The following ZNF473 variants were observed in gnomAD, a reference collection of about 807,000 sequenced individuals.
ZNF473 encodes zinc finger protein 100 homolog.
ZNF473 carries 4 observed loss-of-function variants against 11.1 expected under a neutral mutation model. The ratio of observed to expected loss-of-function variants is 0.36; its 90% CI spans 0.18 to 0.82. ZNF473 has a LOEUF of 0.82. Ranked by LOEUF, ZNF473 falls within the 40% of genes least tolerant of loss-of-function variation. ZNF473 has a pLI of 0.49. For synonymous variants in ZNF473, 404 were observed against 390.4 expected, an observed-to-expected ratio of 1.03 and a Z score of -0.41; for missense variants, 854 against 1,084.0, an observed-to-expected ratio of 0.79 and a Z score of 2.98.
Position 50,046,918 on chromosome 19 carries a change from C to T in ZNF473, c.2475C>T (p.Leu825=), listed in dbSNP as rs1218722334. The T allele has an allele frequency of 1.9e-6, 3 of 1,614,060 alleles. No individual in the cohort carries two copies. Among genetic ancestry groups the T allele is most frequent in the African/African-American group, 1.3e-5 (1 of 74,916 alleles). Residue 825 remains leucine, a synonymous_variant, in exon 5 of 5, where the codon CTC becomes CTT. Coordinates refer to ENST00000270617, the MANE Select transcript of ZNF473 (RefSeq NM_015428.4). The surrounding 1 kb of genome is among the most constrained non-coding windows in gnomAD (Gnocchi z 5.9). ...SCNVCGKAFV[L]SAHLNQHLRV... is the part of the protein sequence containing the mutation. ...ATGTGTGTGGCAAAGCTTTTGTCCT[C>T]AGTGCCCATCTCAACCAGCACCTGA... is the stretch of plus-strand genomic sequence containing the variant.
At position 50,047,102 on chromosome 19, in the gene ZNF473, C is replaced by T. The variant is rs745526201; in HGVS notation, c.*43C>T. On this transcript the variant is annotated 3_prime_UTR_variant, in exon 5 of 5. Transcript: ENST00000270617. ...AGTCCCAGAATATGAGACCGTTACT[C>T]GGATGTTGAAAGTTGGAAACTATCC... is the stretch of plus-strand genomic sequence containing the variant. 2.0e-5 allele frequency: 31 copies of T among 1,514,042 alleles called. No individual in the cohort carries two copies. The highest frequency in any genetic ancestry group is 1.1e-4 in the South Asian group (9 of 84,192). 93.8% of individuals were successfully genotyped at this position (1,514,042 alleles called of 1,614,324 possible). A position where few individuals can be genotyped will look rare whatever the true frequency, so the allele number is the denominator to read the frequency against.
chr19:50,036,988 G>A (rs1421215254), intron 2 of ZNF473, among the ~76,000 whole-genome samples: 1 of 152,190 alleles, frequency 6.6e-6, no homozygotes, highest in African/African-American at 2.4e-5. Context: ...CTATAAGTTG[G>A]GGATAATCCT....
At chr19:50,030,422 T>G (rs1417139010) in intron 1 of ZNF473, among the ~76,000 whole-genome samples, 1 of 152,126 alleles carries the variant, frequency 6.6e-6, no homozygotes, top group Non-Finnish European at 1.5e-5. Context: ...GTTGGAGGAT[T>G]GCTTAAGCCC....
At position 50,047,221 on chromosome 19, in the gene ZNF473, G is replaced by A; in HGVS notation, c.*162G>A. On this transcript the variant is annotated 3_prime_UTR_variant, in exon 5 of 5. Coordinates refer to ENST00000270617, the MANE Select transcript of ZNF473 (RefSeq NM_015428.4). The stretch of plus-strand genomic sequence containing the variant: ...TTATAACAATGAAAACACAAAAGTG[G>A]AGAAGCTGTACAACGTCAGGATTCA... 1.5e-6 allele frequency: 1 copy of A among 678,990 alleles called. No homozygotes were observed. Among genetic ancestry groups the A allele is most frequent in the South Asian group, 2.0e-5 (1 of 50,304 alleles). 42.1% of individuals were successfully genotyped at this position (678,990 alleles called of 1,614,324 possible).
rs1978971253 is a variant in ZNF473 at position 50,044,789 on chromosome 19, T to G, written c.346T>G (p.Cys116Gly). The change falls in exon 5 of 5, where the codon TGT becomes GGT. Residue 116 changes from cysteine to glycine, a missense_variant. Coordinates refer to ENST00000270617, the MANE Select transcript of ZNF473 (RefSeq NM_015428.4). Reference sequence around the variant, plus strand: ...CTGGAACTCCAATTTCGGAGAAGCCTGTATAGAGGACACCTGGTTAGATAG... The same window carrying G: ...CTGGAACTCCAATTTCGGAGAAGCCGGTATAGAGGACACCTGGTTAGATAG... ...GFWNSNFGEA[C>G]IEDTWLDSLL... 1.2e-6 allele frequency: 2 copies of G among 1,614,092 alleles called. No individual in the cohort carries two copies. The highest frequency in any genetic ancestry group is 1.7e-5 in the Admixed American group (1 of 60,006).
chr19:50,036,161 T>C (rs12460350), intron 2 of ZNF473, among the ~76,000 whole-genome samples: 8,556 of 151,484 alleles, frequency 0.056, 511 homozygotes, highest in East Asian at 0.27. Context: ...GGTTTTACCA[T>C]GTTGCCCAGG....
At chr19:50,036,413 A>G (rs1358561602) in intron 2 of ZNF473, among the ~76,000 whole-genome samples, 5 of 142,462 alleles carry the variant, frequency 3.5e-5, no homozygotes, top group African/African-American at 8.1e-5. Flanking sequence ...TCCCAGGTTC[A>G]TGCCATTCTC....
In ZNF473 at chr19:50,046,256, C is replaced by T. The variant is rs376537294; in HGVS notation, c.1813C>T (p.Arg605Trp). ...QCGKAFGQSTRLIHHQRIHSR... is the reference protein window; with the variant it reads ...QCGKAFGQSTWLIHHQRIHSR... ...TGGGAAAGCCTTTGGCCAAAGTACT[C>T]GGCTCATTCACCATCAAAGAATCCA... Residue 605 changes from arginine (R) to tryptophan (W), a missense_variant, in exon 5 of 5, where the codon CGG (arginine) becomes TGG (tryptophan). By Grantham distance (101) the Arg-to-Trp change is moderately radical. This residue lies in a region of ZNF473 where 668 missense variants were observed against 790.2 expected (regional missense o/e 0.85). Coordinates refer to ENST00000270617, the MANE Select transcript of ZNF473 (RefSeq NM_015428.4). The surrounding 1 kb of genome is among the most constrained non-coding windows in gnomAD (Gnocchi z 5.9). The T allele has an allele frequency of 1.7e-5, 27 of 1,613,876 alleles. No homozygotes were observed. The highest frequency in any genetic ancestry group is 2.2e-5 in the South Asian group (2 of 91,066).
chr19:50,040,598 G>A (rs1978714110), intron 3 of ZNF473: 1 of 152,310 alleles, frequency 6.6e-6, no homozygotes, highest in African/African-American at 2.4e-5. Context: ...GTCACACAGT[G>A]AGACAGCAGC....
rs753571752 is a variant in ZNF473, at chr19:50,046,375, C to T, written c.1932C>T (p.His644=). ...IKLQSFHTKE[H]PFKCNECGKT... is the part of the protein sequence containing the mutation. ...TTCAGTCCTTCCACACAAAGGAGCA[C>T]CCTTTTAAATGTAACGAATGCGGAA... Residue 644 remains histidine (H), a synonymous_variant, in exon 5 of 5, where the codon CAC becomes CAT. Transcript: ENST00000270617. The surrounding 1 kb of genome is among the most constrained non-coding windows in gnomAD (Gnocchi z 5.9). 3.8e-5 allele frequency: 62 copies of T among 1,614,102 alleles called. No homozygotes were observed. The highest frequency in any genetic ancestry group is 1.3e-5 in the Non-Finnish European group (15 of 1,180,056).
intron 2 of ZNF473, among the ~76,000 whole-genome samples, chr19:50,036,949 AGTGACTATTTG>A (rs1978482220): frequency 6.6e-6 from 1 of 152,220 alleles, no homozygotes; most frequent in Admixed American, 6.5e-5. Flanking sequence ...ACTTGGAGAA[AGTGACTATTTG>A]GGCCTTGATT....
In ZNF473 at chr19:50,047,035, C is replaced by G. The variant is rs762399283; in HGVS notation, c.2592C>G (p.His864Gln). 6.2e-7 allele frequency: 1 copy of G among 1,612,844 alleles called. No homozygotes were observed. The highest frequency in any genetic ancestry group is 1.7e-5 in the Admixed American group (1 of 60,012). ...HSSLSRHQRV[H>Q]NKQQYCL ...GCCTCAGCCGCCATCAGCGTGTACA[C>G]AACAAGCAGCAATACTGCCTGTAGC... Residue 864 changes from histidine (H) to glutamine (Q), a missense_variant, in exon 5 of 5, where the codon CAC becomes CAG. By Grantham distance (24) the His-to-Gln change is conservative. Coordinates refer to ENST00000270617, the MANE Select transcript of ZNF473 (RefSeq NM_015428.4).
At position 50,046,294 on chromosome 19, in the gene ZNF473, G is replaced by A; in HGVS notation, c.1851G>A (p.Arg617=). 2 of 1,614,180 alleles carry A rather than the reference G, an allele frequency of 1.2e-6. No individual in the cohort carries two copies. Among genetic ancestry groups the A allele is most frequent in the Non-Finnish European group, 8.5e-7 (1 of 1,180,038 alleles). ...ATCAAAGAATCCACTCTAGAGTGAG[G>A]CTGTATAAATGGGGTGAGCAAGGGA... ...IHHQRIHSRV[R]LYKWGEQGKA... is the part of the protein sequence containing the mutation. Residue 617 remains arginine, a synonymous_variant, in exon 5 of 5, where the codon AGG becomes AGA. Transcript: ENST00000270617. The surrounding 1 kb of genome is among the most constrained non-coding windows in gnomAD (Gnocchi z 5.9).
At chr19:50,033,594 A>G (rs1003943181) in intron 2 of ZNF473, among the ~76,000 whole-genome samples, 3 of 152,308 alleles carry the variant, frequency 2.0e-5, no homozygotes, top group Non-Finnish European at 4.4e-5. Context: ...GTAACAAATA[A>G]TACAAACTTG....
intron 2 of ZNF473, among the ~76,000 whole-genome samples, chr19:50,034,725 C>G (rs1422891851): frequency 6.7e-6 from 1 of 149,242 alleles, no homozygotes; most frequent in Non-Finnish European, 1.5e-5. Context: ...GTTATTCGGT[C>G]CTTTGAGGAA....
chr19:50,043,924 A>C (rs1219500406), intron 4 of ZNF473, among the ~76,000 whole-genome samples: 2 of 152,182 alleles, frequency 1.3e-5, no homozygotes, highest in Non-Finnish European at 2.9e-5. Context: ...TTAAAGGCAC[A>C]GAGGAGAAAG....
At chr19:50,038,157 AT>A (rs1568407247) in intron 2 of ZNF473, among the ~76,000 whole-genome samples, 3 of 140,140 alleles carry the variant, frequency 2.1e-5, no homozygotes, top group African/African-American at 9.0e-5. Flanking sequence ...ACAGGTGCAT[AT>A]ATAAATTATA....
chr19:50,039,298 C>A lies in ZNF473; in HGVS notation c.136+11C>A, dbSNP rs775975272. ...ACCTCTTCCTGCTGGGTGAGTGTTG[C>A]CTGTCCCCAGGGGCCTACTCACTGC... On this transcript the variant is annotated intron_variant, in intron 3 of 4. Transcript: ENST00000270617. The surrounding 1 kb of genome is among the most constrained non-coding windows in gnomAD (Gnocchi z 4.8). The A allele has an allele frequency of 1.2e-6, 2 of 1,613,784 alleles. No individual in the cohort carries two copies. Among genetic ancestry groups the A allele is most frequent in the South Asian group, 2.2e-5 (2 of 91,078 alleles).
At chr19:50,032,724 G>C (rs558041555) in intron 2 of ZNF473, among the ~76,000 whole-genome samples, 7 of 150,322 alleles carry the variant, frequency 4.7e-5, no homozygotes, top group Non-Finnish European at 1.0e-4. Context: ...TTGGAGGCCA[G>C]AAGTCTAAGA....
Sources: allele counts gnomAD v4.1 joint callset (sites outside exome capture counted in the v4.1 genomes callset), GRCh38; gene constraint gnomAD v4.1.1; regional missense constraint gnomAD v4.1.1; non-coding constraint Gnocchi (gnomAD v3.1); transcripts MANE v1.5; gene names NCBI Gene and HGNC (gene_info 2026-07-23, HGNC 2026-07-21).